UHRF2: variants seen among roughly 807,000 people sequenced by gnomAD.
UHRF2 encodes E3 ubiquitin-protein ligase UHRF2.
In UHRF2, 23 loss-of-function variants were observed where a neutral mutation model predicts 96.8. The ratio of observed to expected loss-of-function variants is 0.24; its 90% CI spans 0.17 to 0.34. UHRF2 has a LOEUF of 0.34. UHRF2 is among the 10% of genes least tolerant of loss of function. UHRF2 has a pLI of 1.00. For missense variants in UHRF2, 685 were observed against 981.5 expected (o/e 0.70, Z 4.04); for synonymous variants, 385 against 332.6 (o/e 1.16, Z -1.72).
At chr9:6,425,326 A>T (rs1820190400) in intron 2 of UHRF2, among the ~76,000 whole-genome samples, 1 of 152,122 alleles carries the variant, frequency 6.6e-6, no homozygotes, top group South Asian at 2.1e-4. Context: ...TACCCCCATT[A>T]TTGTGGGTGT....
In UHRF2 at chr9:6,444,911, G is replaced by A. The variant is rs567064841; in HGVS notation, c.644+10738G>A. ...GCCACCAAGTCCAGCCTAGGAATCTGCTTTTCAAAGAGGTACCACGCTGGC... is the reference window on the plus strand; with the variant it reads ...GCCACCAAGTCCAGCCTAGGAATCTACTTTTCAAAGAGGTACCACGCTGGC... On this transcript the variant is annotated intron_variant, in intron 3 of 15. Coordinates refer to ENST00000276893, the MANE Select transcript of UHRF2 (RefSeq NM_152896.3). Among the ~76,000 whole-genome samples the A allele has an allele frequency of 1.4e-4, 22 of 152,044 alleles. 1 individual carries two copies. In the South Asian group the frequency reaches 4.6e-3, roughly 32 times the overall value.
intron 14 of UHRF2, among the ~76,000 whole-genome samples, chr9:6,502,049 C>T (rs908645977): frequency 6.6e-6 from 1 of 152,146 alleles, no homozygotes. Flanking sequence ...TACTATTGCC[C>T]TGGACAAGTT....
intron 1 of UHRF2, chr9:6,413,901 G>T (rs1204556199): frequency 2.2e-5 from 8 of 366,364 alleles, no homozygotes; most frequent in African/African-American, 1.7e-4. Flanking sequence ...ATATCTCGCC[G>T]TTTGTATTTG....
intron 2 of UHRF2, 68 bp from the exon 3 acceptor site, chr9:6,433,846 G>C: frequency 6.6e-7 from 1 of 1,515,958 alleles, no homozygotes; most frequent in South Asian, 1.3e-5. Flanking sequence ...AATAACTTGA[G>C]TTACATTAAG....
intron 4 of UHRF2, chr9:6,468,890 T>C (rs1230839720): frequency 2.8e-6 from 1 of 352,562 alleles, no homozygotes; most frequent in Non-Finnish European, 5.6e-6. Flanking sequence ...GCTGATTAAA[T>C]GTTAAACCAC....
chr9:6,436,546 G>T (rs1041251045), intron 3 of UHRF2, among the ~76,000 whole-genome samples: 1 of 152,180 alleles, frequency 6.6e-6, no homozygotes, highest in African/African-American at 2.4e-5. Flanking sequence ...ATCTGATTCT[G>T]GCCAATAAGA....
chr9:6,421,001 T>G lies in UHRF2; in HGVS notation c.243T>G (p.Pro81=), dbSNP rs1216049257. The change falls in exon 2 of 16, where the codon CCT becomes CCG. Residue 81 remains proline (P), a synonymous_variant. Transcript: ENST00000276893. ...TTCGCCCAGACCCTGATCATCTTCC[T>G]GGCACATCTACACAGATTGAGGCTA... ...LLVRPDPDHL[P]GTSTQIEAKP... 6 of 1,613,562 alleles carry G rather than the reference T, an allele frequency of 3.7e-6. No individual in the cohort carries two copies. In the African/African-American group the frequency reaches 6.7e-5, roughly 18 times the overall value.
chr9:6,439,617 G>A (rs1277577001), intron 3 of UHRF2, among the ~76,000 whole-genome samples: 2 of 152,162 alleles, frequency 1.3e-5, no homozygotes, highest in Admixed American at 6.5e-5. Context: ...GCTGTTCTAT[G>A]TCACTTATCT....
intron 2 of UHRF2, among the ~76,000 whole-genome samples, chr9:6,430,483 C>A (rs908780144): frequency 6.6e-6 from 1 of 152,120 alleles, no homozygotes; most frequent in African/African-American, 2.4e-5. Context: ...GCCTTACTGG[C>A]TGAGGAGAGA....
At chr9:6,414,816 TC>T (rs1211448946) in intron 1 of UHRF2, among the ~76,000 whole-genome samples, 1 of 152,216 alleles carries the variant, frequency 6.6e-6, no homozygotes, top group Non-Finnish European at 1.5e-5. Context: ...AGCTTTTTTT[TC>T]CCCTTTCCTT....
At chr9:6,471,094 A>T (rs1034779443) in intron 4 of UHRF2, among the ~76,000 whole-genome samples, 1 of 152,246 alleles carries the variant, frequency 6.6e-6, no homozygotes, top group Non-Finnish European at 1.5e-5. Context: ...ACAACAGCAA[A>T]GACTTTTCAA....
intron 1 of UHRF2, among the ~76,000 whole-genome samples, chr9:6,416,065 G>T (rs190383087): frequency 6.6e-6 from 1 of 151,884 alleles, no homozygotes; most frequent in Admixed American, 6.6e-5. Context: ...CACTTTTTTT[G>T]TTGTTGTTTT....
At chr9:6,457,392 TAAG>T (rs145663611) in intron 3 of UHRF2, among the ~76,000 whole-genome samples, 33,798 of 151,964 alleles carry the variant, frequency 0.22, 3,876 homozygotes, top group Middle Eastern at 0.26. Context: ...CTTATCACCT[TAAG>T]GAGATTTTGG....
intron 3 of UHRF2, among the ~76,000 whole-genome samples, chr9:6,456,888 C>T (rs1264248634): frequency 6.6e-6 from 1 of 151,724 alleles, no homozygotes; most frequent in Non-Finnish European, 1.5e-5. Flanking sequence ...TTCCATTGGT[C>T]TACATGTCTG....
Position 6,434,127 on chromosome 9 carries a change from T to C in UHRF2, c.598T>C (p.Cys200Arg). Residue 200 changes from cysteine (C) to arginine (R), a missense_variant, in exon 3 of 16, where the codon TGT becomes CGT. Physicochemically the swap from Cys to Arg is radical, Grantham distance 180. Coordinates refer to ENST00000276893, the MANE Select transcript of UHRF2 (RefSeq NM_152896.3). ...TGTACCCTCTACGTCTAATTCAGAC[T>C]GTGTTGCTGCTGATGAAGACGTTAT... ...DSVPSTSNSD[C>R]VAADEDVIYH... is the part of the protein sequence containing the mutation. 1 of 1,614,130 alleles carries C rather than the reference T, an allele frequency of 6.2e-7. No individual in the cohort carries two copies. Among genetic ancestry groups the C allele is most frequent in the Non-Finnish European group, 8.5e-7 (1 of 1,180,016 alleles).
At chr9:6,484,806 T>TC (rs1824166654) in intron 8 of UHRF2, 2 of 145,214 alleles carry the variant, frequency 1.4e-5, no homozygotes, top group Non-Finnish European at 3.0e-5. Context: ...TTTTTTTTTT[T>TC]TTTTGAGACG....
At chr9:6,427,272 T>C (rs1820312822) in intron 2 of UHRF2, among the ~76,000 whole-genome samples, 1 of 152,194 alleles carries the variant, frequency 6.6e-6, no homozygotes, top group South Asian at 2.1e-4. Context: ...GCAAACATTT[T>C]TGGACTTTTC....
chr9:6,453,975 G>T (rs1466171939), intron 3 of UHRF2, among the ~76,000 whole-genome samples: 1 of 152,058 alleles, frequency 6.6e-6, no homozygotes, highest in African/African-American at 2.4e-5. Context: ...TACTTGTCAG[G>T]TTCCTTCTTT....
chr9:6,415,833 C>T (rs1046403805), intron 1 of UHRF2, among the ~76,000 whole-genome samples: 3 of 152,130 alleles, frequency 2.0e-5, no homozygotes, highest in Non-Finnish European at 2.9e-5. Flanking sequence ...ATTCTGATAA[C>T]ACCAGAGTTT....
Sources: allele counts gnomAD v4.1 joint callset (sites outside exome capture counted in the v4.1 genomes callset), GRCh38; gene constraint gnomAD v4.1.1; transcripts MANE v1.5; gene names NCBI Gene and HGNC (gene_info 2026-07-23, HGNC 2026-07-21).